The following DSCAM variants were observed in gnomAD, a reference collection of about 807,000 sequenced individuals.
DSCAM encodes DS cell adhesion molecule, also known as cell adhesion molecule DSCAM.
Under a neutral mutation model 217.7 loss-of-function variants are expected in DSCAM, and 47 were observed. The observed-to-expected ratio is 0.22, with a 90% confidence interval of 0.17 to 0.28. The LOEUF (loss-of-function observed/expected upper bound fraction) is 0.28. Among genes scored for constraint, DSCAM ranks in the 10% least tolerant of loss-of-function variants. The pLI is 1.00. For synonymous variants in DSCAM, 1,056 were observed against 1,015.3 expected, an observed-to-expected ratio of 1.04 and a Z score of -0.76; for missense variants, 2,080 against 2,618.3, an observed-to-expected ratio of 0.79 and a Z score of 4.49.
At chr21:40,340,188 A>T (rs945140221) in intron 6 of DSCAM, among the ~76,000 whole-genome samples, 4 of 152,164 alleles carry the variant, frequency 2.6e-5, no homozygotes, top group Non-Finnish European at 5.9e-5. Context: ...AACCTGGGAC[A>T]CTTTTGAGGC....
chr21:40,796,263 A>C (rs570027266), intron 1 of DSCAM, among the ~76,000 whole-genome samples: 5 of 152,336 alleles, frequency 3.3e-5, no homozygotes, highest in African/African-American at 9.6e-5. Context: ...TGGACATGAC[A>C]TCGGCAAATC....
intron 3 of DSCAM, among the ~76,000 whole-genome samples, chr21:40,499,918 C>G (rs960345653): frequency 2.0e-5 from 3 of 152,046 alleles, no homozygotes; most frequent in Non-Finnish European, 4.4e-5. Context: ...GTAGCTGGGA[C>G]TACAGACACC....
intron 4 of DSCAM, among the ~76,000 whole-genome samples, chr21:40,360,019 G>C (rs1043149111): frequency 5.3e-5 from 8 of 151,446 alleles, no homozygotes; most frequent in Non-Finnish European, 1.0e-4. Flanking sequence ...TTTAGATATA[G>C]GCGGTATATG....
chr21:40,064,341 A>G (rs1278675999), intron 27 of DSCAM, among the ~76,000 whole-genome samples: 1 of 152,022 alleles, frequency 6.6e-6, no homozygotes, highest in Non-Finnish European at 1.5e-5. Context: ...CTCAGCCTCA[A>G]TTGTCTTCTG....
intron 1 of DSCAM, among the ~76,000 whole-genome samples, chr21:40,790,503 G>A (rs964681248): frequency 2.6e-5 from 4 of 152,088 alleles, no homozygotes; most frequent in African/African-American, 9.7e-5. Flanking sequence ...CTGACAGCTC[G>A]TTTTGCCCTC....
At chr21:40,393,337 T>G (rs2075150755) in intron 3 of DSCAM, among the ~76,000 whole-genome samples, 1 of 152,182 alleles carries the variant, frequency 6.6e-6, no homozygotes, top group South Asian at 2.1e-4. Context: ...AGGGAATACA[T>G]GGATGAGTCT....
intron 3 of DSCAM, among the ~76,000 whole-genome samples, chr21:40,418,095 G>T (rs1051678188): frequency 6.6e-6 from 1 of 152,132 alleles, no homozygotes; most frequent in Non-Finnish European, 1.5e-5. Context: ...GGATTAGAGG[G>T]GTGTAAAGAA....
At chr21:40,401,571 T>C (rs2075234199) in intron 3 of DSCAM, among the ~76,000 whole-genome samples, 2 of 152,200 alleles carry the variant, frequency 1.3e-5, no homozygotes, top group Non-Finnish European at 2.9e-5. Context: ...ATCTTGAAAG[T>C]AGTTTTGACC....
At chr21:40,095,109 G>C (rs2089659998) in intron 20 of DSCAM, among the ~76,000 whole-genome samples, 1 of 152,172 alleles carries the variant, frequency 6.6e-6, no homozygotes, top group Non-Finnish European at 1.5e-5. Context: ...CACGGCAGAA[G>C]GTGAAAGGCA....
chr21:40,377,745 C>G (rs369159965), intron 3 of DSCAM, among the ~76,000 whole-genome samples: 18 of 151,900 alleles, frequency 1.2e-4, no homozygotes, highest in Middle Eastern at 3.4e-3. Context: ...AAGAAAAGAC[C>G]CAGGAAAGGA....
intron 11 of DSCAM, among the ~76,000 whole-genome samples, chr21:40,261,916 G>A (rs937365816): frequency 6.6e-6 from 1 of 151,966 alleles, no homozygotes; most frequent in Non-Finnish European, 1.5e-5. Flanking sequence ...ACTTTTGAGA[G>A]GTAATTAGAG....
At chr21:40,271,020 C>T (rs1266835661) in intron 11 of DSCAM, among the ~76,000 whole-genome samples, 1 of 152,226 alleles carries the variant, frequency 6.6e-6, no homozygotes, top group Non-Finnish European at 1.5e-5. Context: ...AATGGCAGGG[C>T]TTGAGAGTGG....
intron 3 of DSCAM, among the ~76,000 whole-genome samples, chr21:40,549,525 A>G (rs539263811): frequency 2.6e-5 from 4 of 152,318 alleles, no homozygotes; most frequent in South Asian, 2.1e-4. Context: ...ACGAAATAAA[A>G]CAAAGTTCCC....
At chr21:40,493,877 A>AGAT (rs1183118307) in intron 3 of DSCAM, among the ~76,000 whole-genome samples, 1 of 132,490 alleles carries the variant, frequency 7.5e-6, no homozygotes, top group Non-Finnish European at 1.6e-5. Flanking sequence ...AAAAAAAAAA[A>AGAT]AAATATATAC....
chr21:40,371,438 TG>T (rs1399252021), intron 3 of DSCAM, among the ~76,000 whole-genome samples: 1 of 146,750 alleles, frequency 6.8e-6, no homozygotes, highest in Non-Finnish European at 1.5e-5. Flanking sequence ...AAAAAAAAGA[TG>T]ATGTATGTAA....
At chr21:40,189,981 C>T (rs995083345) in intron 11 of DSCAM, among the ~76,000 whole-genome samples, 8 of 152,300 alleles carry the variant, frequency 5.3e-5, no homozygotes, top group Non-Finnish European at 1.0e-4. Flanking sequence ...AGGTGAATCC[C>T]TTGTTGCTGC....
chr21:40,674,570 T>C (rs1027485041), intron 3 of DSCAM, among the ~76,000 whole-genome samples: 6 of 151,866 alleles, frequency 4.0e-5, no homozygotes, highest in Non-Finnish European at 8.8e-5. Context: ...CCCCTGGCAA[T>C]GGATTGTTTT....
chr21:40,791,380 C>T (rs1479683188), intron 1 of DSCAM, among the ~76,000 whole-genome samples: 3 of 151,904 alleles, frequency 2.0e-5, no homozygotes, highest in Non-Finnish European at 4.4e-5. Flanking sequence ...TAAGGCCAGG[C>T]GCAGTGGTTC....
intron 3 of DSCAM, among the ~76,000 whole-genome samples, chr21:40,547,791 T>C (rs982780657): frequency 1.3e-5 from 2 of 152,130 alleles, no homozygotes; most frequent in South Asian, 4.1e-4. Flanking sequence ...GTGCCTCAAA[T>C]TGTTCAAGCA....
Sources: gnomAD v4.1 joint callset for allele counts (sites outside exome capture counted in the v4.1 genomes callset) on GRCh38, gnomAD v4.1.1 for gene constraint, MANE v1.5 for transcripts, NCBI Gene and HGNC (gene_info 2026-07-23, HGNC 2026-07-21) for gene names.